The following INTS6 variants were observed in gnomAD, a reference collection of about 807,000 sequenced individuals.
INTS6 encodes DEAD box protein.
A neutral mutation model predicts 104.9 loss-of-function variants in INTS6; 16 were observed. The observed-to-expected ratio is 0.15, with a 90% confidence interval of 0.10 to 0.23. The LOEUF (loss-of-function observed/expected upper bound fraction) is 0.23. INTS6 is among the 10% of genes least tolerant of loss of function. The pLI is 1.00. For synonymous variants in INTS6, 324 were observed against 358.7 expected (o/e 0.90, Z 1.09); for missense variants, 584 against 1,062.8 (o/e 0.55, Z 6.26).
intron 3 of INTS6, among the ~76,000 whole-genome samples, chr13:51,434,350 T>C (rs906765912): frequency 2.0e-5 from 3 of 152,120 alleles, no homozygotes; most frequent in African/African-American, 7.2e-5. Flanking sequence ...TCAGAGAGTA[T>C]ATACACAAAC....
chr13:51,397,102 T>A (rs1344125095), intron 4 of INTS6, among the ~76,000 whole-genome samples: 1 of 152,206 alleles, frequency 6.6e-6, no homozygotes, highest in Non-Finnish European at 1.5e-5. Flanking sequence ...TGTCATTTTT[T>A]ATACTAATTT....
chr13:51,433,219 G>A (rs918320434), intron 3 of INTS6, among the ~76,000 whole-genome samples: 15 of 152,206 alleles, frequency 9.9e-5, no homozygotes, highest in Admixed American at 2.6e-4. Flanking sequence ...CAAGGTACGC[G>A]GATCACTTGA....
chr13:51,415,129 T>G (rs1378573423), intron 4 of INTS6, among the ~76,000 whole-genome samples: 1 of 152,072 alleles, frequency 6.6e-6, no homozygotes, highest in Admixed American at 6.5e-5. Flanking sequence ...GAGAGTTTTT[T>G]TTTTTAAAGG....
At chr13:51,427,537 A>G (rs949033101) in intron 4 of INTS6, among the ~76,000 whole-genome samples, 8 of 152,186 alleles carry the variant, frequency 5.3e-5, no homozygotes, top group African/African-American at 1.9e-4. Context: ...GCAAAAATTA[A>G]TCTAGGATAA....
At position 51,364,250 on chromosome 13, in the gene INTS6, A is replaced by C; in HGVS notation, c.*1502T>G. The C allele has an allele frequency of 1.4e-6, 2 of 1,460,014 alleles. No homozygotes were observed. The highest frequency in any genetic ancestry group is 1.8e-6 in the Non-Finnish European group (2 of 1,087,364). The allele number at this position is 1,460,014 out of a possible 1,614,324, so 90.4% of individuals were successfully genotyped here. A position where few individuals can be genotyped will look rare whatever the true frequency, so the allele number is the denominator to read the frequency against. On this transcript the variant is annotated 3_prime_UTR_variant, in exon 18 of 18. Coordinates refer to ENST00000311234, the MANE Select transcript of INTS6 (RefSeq NM_012141.3). Reference sequence around the variant, plus strand: ...CTTTTTCTTGACAGGGTTTGTCTTCAGTATTGGGAGAGTTTCAAATCCCCT... The same window carrying C: ...CTTTTTCTTGACAGGGTTTGTCTTCCGTATTGGGAGAGTTTCAAATCCCCT...
intron 3 of INTS6, among the ~76,000 whole-genome samples, chr13:51,355,423 G>A (rs538647257): frequency 4.6e-5 from 7 of 152,136 alleles, no homozygotes; most frequent in East Asian, 1.9e-4. Flanking sequence ...CCCTCTAACC[G>A]TCATGACTAG....
chr13:51,394,415 T>C (rs1956298455), intron 5 of INTS6, among the ~76,000 whole-genome samples: 1 of 152,138 alleles, frequency 6.6e-6, no homozygotes, highest in Admixed American at 6.5e-5. Flanking sequence ...TTAGAAAAAA[T>C]GCACCTAAAA....
chr13:51,444,278 T>C (rs1487996384), intron 3 of INTS6: 1 of 143,350 alleles, frequency 7.0e-6, no homozygotes, highest in Non-Finnish European at 1.5e-5. Context: ...TTTTTTTTTT[T>C]TTTTTTAGTA....
At chr13:51,387,575 AT>A (rs748608100) in intron 6 of INTS6, 35 bp from the exon 7 acceptor site, 1 of 1,546,652 alleles carries the variant, frequency 6.5e-7, no homozygotes, top group South Asian at 1.2e-5. Context: ...GAAAGCATAT[AT>A]CATAAGGGGG....
intron 4 of INTS6, among the ~76,000 whole-genome samples, chr13:51,416,558 T>C (rs1052614387): frequency 2.0e-5 from 3 of 152,220 alleles, no homozygotes; most frequent in Admixed American, 6.5e-5. Flanking sequence ...GAGAATTGTA[T>C]TCCTTTTTAA....
In INTS6 at chr13:51,430,297, A is replaced by G. The variant is rs1347417096; in HGVS notation, c.426T>C (p.Asp142=). The G allele has an allele frequency of 1.2e-6, 2 of 1,612,502 alleles. No individual in the cohort carries two copies. The highest frequency in any genetic ancestry group is 1.7e-6 in the Non-Finnish European group (2 of 1,179,016). Residue 142 remains aspartate (D), a synonymous_variant, in exon 4 of 18, where the codon GAT becomes GAC. Coordinates refer to ENST00000311234, the MANE Select transcript of INTS6 (RefSeq NM_012141.3). ...SKLTTTSGVQ[D]ELHLPLNSPL... Reference sequence around the variant, plus strand: ...ATGTAATATAAGCACAACTTACCTCATCCTGGACTCCACTGGTGGTAGTCA... The same window carrying G: ...ATGTAATATAAGCACAACTTACCTCGTCCTGGACTCCACTGGTGGTAGTCA...
intron 4 of INTS6, among the ~76,000 whole-genome samples, chr13:51,400,157 A>T (rs1224589759): frequency 6.6e-6 from 1 of 152,246 alleles, no homozygotes; most frequent in Non-Finnish European, 1.5e-5. Context: ...CTGAGGTGGA[A>T]CAGTTTCATT....
the INTS6 span, among the ~76,000 whole-genome samples, chr13:51,347,546 G>A: frequency 2.6e-5 from 4 of 152,216 alleles, no homozygotes; most frequent in South Asian, 4.1e-4. Context: ...ACAATAGGCC[G>A]GGATTGAATG....
At chr13:51,344,392 T>C in the INTS6 span, 2 of 1,612,516 alleles carry the variant, frequency 1.2e-6, no homozygotes, top group East Asian at 4.5e-5. Flanking sequence ...GCACGTCTCC[T>C]GGTGGGCTAA....
intron 3 of INTS6, chr13:51,449,206 C>A (rs1952984887): frequency 6.6e-6 from 1 of 152,250 alleles, no homozygotes; most frequent in African/African-American, 2.4e-5. Context: ...GCTTTGCAAT[C>A]TTTGCTGATT....
intron 4 of INTS6, among the ~76,000 whole-genome samples, chr13:51,400,013 C>T (rs1956407549): frequency 1.3e-5 from 2 of 152,222 alleles, no homozygotes; most frequent in South Asian, 2.1e-4. Flanking sequence ...AGCATTACTG[C>T]CTGAGCTCCA....
Position 51,374,304 on chromosome 13 carries a change from T to G in INTS6, c.2008A>C (p.Asn670His). 1.9e-6 allele frequency: 3 copies of G among 1,614,048 alleles called. No individual in the cohort carries two copies. The highest frequency in any genetic ancestry group is 2.5e-6 in the Non-Finnish European group (3 of 1,179,898). Residue 670 changes from asparagine (N) to histidine (H), a missense_variant, in exon 15 of 18, where the codon AAT (asparagine) becomes CAT (histidine). Physicochemically the swap from Asn to His is moderately conservative, Grantham distance 68 (BLOSUM62 1). This residue lies in a region of INTS6 where 296 missense variants were observed against 437.0 expected (regional missense o/e 0.68). Coordinates refer to ENST00000311234, the MANE Select transcript of INTS6 (RefSeq NM_012141.3). Reference protein sequence around the residue: ...MSPLLRGRQQNPVVNNHIGGK... With the variant: ...MSPLLRGRQQHPVVNNHIGGK... ...CCAATATGATTGTTTACAACAGGAT[T>G]CTGCTGTCTGCCTCTTAGTAGTGGA...
rs1288778101 is a variant in INTS6 at position 51,401,895 on chromosome 13, TA to T, written c.430-6413del. On this transcript the variant is annotated intron_variant, in intron 4 of 17. Transcript: ENST00000311234. ...AAAAAATCAAATGTTGAATTAATAT[TA>T]AAAAAACTAATTGTATTCAATGAAA... 1.5e-4 allele frequency among the ~76,000 whole-genome samples: 23 copies of T among 152,186 alleles called. No individual in the cohort carries two copies. The East Asian group carries it at 4.0e-3, about 27-fold the overall frequency.
chr13:51,386,034 A>G (rs1956136257), intron 7 of INTS6, among the ~76,000 whole-genome samples: 1 of 152,206 alleles, frequency 6.6e-6, no homozygotes, highest in South Asian at 2.1e-4. Context: ...GGTTAGTTTA[A>G]TAGTACTCTC....
Sources: allele counts gnomAD v4.1 joint callset (sites outside exome capture counted in the v4.1 genomes callset), GRCh38; gene constraint gnomAD v4.1.1; regional missense constraint gnomAD v4.1.1; transcripts MANE v1.5; gene names NCBI Gene and HGNC (gene_info 2026-07-23, HGNC 2026-07-21).